The following FGF2 variants were observed in gnomAD, a reference collection of about 807,000 sequenced individuals.
FGF2 encodes basic fibroblast growth factor bFGF.
A neutral mutation model predicts 15.9 loss-of-function variants in FGF2; 13 were observed. That is an observed-to-expected ratio of 0.82 (90% CI 0.53 to 1.30). The LOEUF (loss-of-function observed/expected upper bound fraction) is 1.30, where lower values mean the gene tolerates loss of function less well. Ranked by LOEUF, FGF2 falls within the 50% of genes most tolerant of loss-of-function variation. FGF2 has a pLI of 0.00. For missense variants in FGF2, 163 were observed against 196.9 expected (o/e 0.83, Z 1.03); for synonymous variants, 90 against 78.4 (o/e 1.15, Z -0.78).
chr4:122,894,070 A>C lies in FGF2; in HGVS notation c.*1674A>C, dbSNP rs1302898578. 6.6e-6 allele frequency: 1 copy of C among 152,216 alleles called. No individual in the cohort carries two copies. The highest frequency in any genetic ancestry group is 1.5e-5 in the Non-Finnish European group (1 of 68,034). The allele number at this position is 152,216 out of a possible 1,614,324, so 9.4% of individuals were successfully genotyped here. ...GAGGAAGTCACAGAAACATGTCTCA[A>C]TTCCCATGTGCTGTGACTGTAGACT... On this transcript the variant is annotated 3_prime_UTR_variant, in exon 3 of 3. Transcript: ENST00000644866.
chr4:122,828,177 C>A (rs1046774355), intron 1 of FGF2, among the ~76,000 whole-genome samples: 9 of 152,116 alleles, frequency 5.9e-5, no homozygotes, highest in African/African-American at 9.7e-5. Flanking sequence ...GAACACTGGC[C>A]TAAATAAGGA....
intron 1 of FGF2, among the ~76,000 whole-genome samples, chr4:122,836,118 A>G (rs371413254): frequency 2.2e-4 from 34 of 152,302 alleles, no homozygotes; most frequent in African/African-American, 7.7e-4. Context: ...GCTTTCTGTA[A>G]TAGTTAGTGG....
chr4:122,883,020 C>G (rs987399278), intron 2 of FGF2: 5 of 152,242 alleles, frequency 3.3e-5, no homozygotes, highest in Non-Finnish European at 5.9e-5. Context: ...GTTCAGTGTT[C>G]TGACCAGTAG....
intron 2 of FGF2, among the ~76,000 whole-genome samples, chr4:122,877,854 T>C (rs1726888813): frequency 6.6e-6 from 1 of 152,224 alleles, no homozygotes. Context: ...AAAAAGGGTA[T>C]CTAAACTATC....
intron 1 of FGF2, among the ~76,000 whole-genome samples, chr4:122,855,761 G>T (rs1057238209): frequency 1.2e-4 from 19 of 152,286 alleles, no homozygotes; most frequent in Middle Eastern, 6.8e-3. Flanking sequence ...CACCAGAGAA[G>T]TTCTTAACAT....
chr4:122,861,741 A>T (rs308379), intron 1 of FGF2, among the ~76,000 whole-genome samples: 102,371 of 151,986 alleles, frequency 0.67, 35,305 homozygotes, highest in African/African-American at 0.83. Context: ...TTAGTCCCCC[A>T]TACCCCCTTC....
chr4:122,828,045 C>T (rs1319792193), intron 1 of FGF2, among the ~76,000 whole-genome samples: 1 of 152,216 alleles, frequency 6.6e-6, no homozygotes, highest in East Asian at 1.9e-4. Context: ...CGCTTAACCC[C>T]AGAGCCGGTT....
In FGF2 at chr4:122,897,693, C is replaced by G; in HGVS notation, c.*5297C>G. On this transcript the variant is annotated 3_prime_UTR_variant, in exon 3 of 3. Transcript: ENST00000644866. ...ATATTTTTCAACTGCAGTATAAAGT[C>G]AGAAAATAAAGTTAACATAACTTTC... 1.9e-6 allele frequency: 3 copies of G among 1,581,000 alleles called. No individual in the cohort carries two copies. The highest frequency in any genetic ancestry group is 2.6e-6 in the Non-Finnish European group (3 of 1,149,978).
intron 1 of FGF2, among the ~76,000 whole-genome samples, chr4:122,851,660 G>C (rs931037109): frequency 6.6e-6 from 1 of 152,192 alleles, no homozygotes; most frequent in African/African-American, 2.4e-5. Flanking sequence ...TTCTTAGCTA[G>C]AATGTGTTGA....
At chr4:122,845,682 C>T (rs1308555309) in intron 1 of FGF2, among the ~76,000 whole-genome samples, 1 of 152,226 alleles carries the variant, frequency 6.6e-6, no homozygotes, top group Non-Finnish European at 1.5e-5. Context: ...TCTTCTGTAG[C>T]TTCCTTACCT....
At position 122,827,333 on chromosome 4, in the gene FGF2, G is replaced by A; in HGVS notation, c.159G>A (p.Arg53=). 5 of 1,612,944 alleles carry A rather than the reference G, an allele frequency of 3.1e-6. No individual in the cohort carries two copies. Among genetic ancestry groups the A allele is most frequent in the Non-Finnish European group, 4.2e-6 (5 of 1,179,896 alleles). ...IHPDGRVDGV[R]EKSDPHIKLQ... is the part of the protein sequence containing the mutation. The stretch of plus-strand genomic sequence containing the variant: ...CCGACGGCCGAGTTGACGGGGTCCG[G>A]GAGAAGAGCGACCCTCACAGTGAGT... The change falls in exon 1 of 3, where the codon CGG becomes CGA. Residue 53 remains arginine (R), a synonymous_variant. Transcript: ENST00000644866. This position sits in a 1 kb window ranked among gnomAD's most constrained non-coding sequence, Gnocchi z 4.2.
chr4:122,840,845 G>A (rs1228976059), intron 1 of FGF2, among the ~76,000 whole-genome samples: 1 of 152,186 alleles, frequency 6.6e-6, no homozygotes, highest in Non-Finnish European at 1.5e-5. Flanking sequence ...TTTCAAGTCT[G>A]TAAAAATCAG....
At chr4:122,847,638 T>TA (rs1726142110) in intron 1 of FGF2, among the ~76,000 whole-genome samples, 1 of 131,516 alleles carries the variant, frequency 7.6e-6, no homozygotes, top group South Asian at 2.2e-4. Flanking sequence ...TCTATCTATC[T>TA]ATCTGTCTAT....
chr4:122,864,057 T>C (rs1410166103), intron 1 of FGF2, among the ~76,000 whole-genome samples: 1 of 152,238 alleles, frequency 6.6e-6, no homozygotes, highest in Admixed American at 6.5e-5. Flanking sequence ...ACAAAGTACC[T>C]TCACAGCAAC....
Position 122,897,571 on chromosome 4 carries a change from A to T in FGF2, c.*5175A>T. ...TTAGCTATAAAGCAAGAAAGTAAACACATTAATTTCCTCAACATTTTTAAG... is the reference window on the plus strand; with the variant it reads ...TTAGCTATAAAGCAAGAAAGTAAACTCATTAATTTCCTCAACATTTTTAAG... On this transcript the variant is annotated 3_prime_UTR_variant, in exon 3 of 3. Coordinates refer to ENST00000644866, the MANE Select transcript of FGF2 (RefSeq NM_001361665.2). 4.9e-6 allele frequency: 6 copies of T among 1,226,886 alleles called. No homozygotes were observed. Among genetic ancestry groups the T allele is most frequent in the Non-Finnish European group, 7.2e-6 (6 of 828,470 alleles). 76.0% of individuals were successfully genotyped at this position (1,226,886 alleles called of 1,614,324 possible).
chr4:122,847,613 C>CTATG (rs1726139763), intron 1 of FGF2, among the ~76,000 whole-genome samples: 1 of 135,806 alleles, frequency 7.4e-6, no homozygotes. Context: ...CTCTATCTAT[C>CTATG]TATCTATCTA....
intron 1 of FGF2, among the ~76,000 whole-genome samples, chr4:122,850,859 G>A (rs919860251): frequency 2.6e-5 from 4 of 152,164 alleles, no homozygotes; most frequent in Non-Finnish European, 5.9e-5. Flanking sequence ...TGGGATGGAA[G>A]TGTCAGTACT....
At chr4:122,877,974 G>T (rs1380785802) in intron 2 of FGF2, among the ~76,000 whole-genome samples, 1 of 152,098 alleles carries the variant, frequency 6.6e-6, no homozygotes, top group Non-Finnish European at 1.5e-5. Flanking sequence ...CTCAATTTTG[G>T]GGGGAGGTAG....
intron 1 of FGF2, among the ~76,000 whole-genome samples, chr4:122,842,917 T>C (rs1726022958): frequency 6.6e-6 from 1 of 152,172 alleles, no homozygotes; most frequent in African/African-American, 2.4e-5. Context: ...ACCTTAAATA[T>C]TACTTGGGAT....
Sources: gnomAD v4.1 joint callset for allele counts (sites outside exome capture counted in the v4.1 genomes callset) on GRCh38, gnomAD v4.1.1 for gene constraint, Gnocchi (gnomAD v3.1) non-coding constraint, MANE v1.5 for transcripts, NCBI Gene and HGNC (gene_info 2026-07-23, HGNC 2026-07-21) for gene names.